DLC1: variants seen among roughly 807,000 people sequenced by gnomAD.
DLC1 encodes the protein DLC1 Rho GTPase activating protein, also known as rho GTPase-activating protein 7.
Under a neutral mutation model 140.3 loss-of-function variants are expected in DLC1, and 54 were observed. The observed-to-expected ratio is 0.38, with a 90% CI of 0.31 to 0.48. The LOEUF is 0.48. DLC1 is among the 20% of genes least tolerant of loss of function. The probability of loss-of-function intolerance (pLI) is 0.96; values close to 1 mark genes in which losing one functional copy is unlikely to be tolerated. For missense variants in DLC1, 2,536 were observed against 1,907.0 expected (o/e 1.33, Z -6.14); for synonymous variants, 986 against 728.1 (o/e 1.35, Z -5.70).
intron 5 of DLC1, among the ~76,000 whole-genome samples, chr8:13,168,918 T>C (rs925122491): frequency 6.6e-6 from 1 of 152,184 alleles, no homozygotes; most frequent in Non-Finnish European, 1.5e-5. Flanking sequence ...GTTATGACCG[T>C]TGGACAGAAG....
chr8:13,494,919 C>G (rs1364335153), intron 2 of DLC1, among the ~76,000 whole-genome samples: 1 of 152,126 alleles, frequency 6.6e-6, no homozygotes, highest in African/African-American at 2.4e-5. Flanking sequence ...CCCCTGCACT[C>G]CAGCCTGGGT....
intron 5 of DLC1, among the ~76,000 whole-genome samples, chr8:13,302,441 G>A (rs191196093): frequency 1.8e-3 from 269 of 152,316 alleles, no homozygotes; most frequent in African/African-American, 6.3e-3. Flanking sequence ...TGTCATCACA[G>A]GGCAGGAGAC....
chr8:13,572,088 A>T (rs1042403049), intron 1 of DLC1, among the ~76,000 whole-genome samples: 23 of 60,648 alleles, frequency 3.8e-4, no homozygotes, highest in South Asian at 1.5e-3. Context: ...TATTATTATT[A>T]TTATTTATTT....
chr8:13,268,770 C>T (rs1830793440), intron 5 of DLC1, among the ~76,000 whole-genome samples: 1 of 151,982 alleles, frequency 6.6e-6, no homozygotes, highest in Non-Finnish European at 1.5e-5. Context: ...ACTCTTGGCT[C>T]CATGAGGGGA....
chr8:13,444,736 C>T (rs1798700311), intron 2 of DLC1, among the ~76,000 whole-genome samples: 1 of 152,088 alleles, frequency 6.6e-6, no homozygotes, highest in Admixed American at 6.6e-5. Flanking sequence ...AGAATAGAAG[C>T]AAATATCATT....
At chr8:13,550,867 G>A (rs968614071) in intron 1 of DLC1, among the ~76,000 whole-genome samples, 1 of 151,948 alleles carries the variant, frequency 6.6e-6, no homozygotes, top group African/African-American at 2.4e-5. Flanking sequence ...GCCCTTAATG[G>A]TGCTATTAGC....
At chr8:13,177,364 C>T (rs1046877877) in intron 5 of DLC1, among the ~76,000 whole-genome samples, 3 of 152,120 alleles carry the variant, frequency 2.0e-5, no homozygotes. Context: ...CATCTATTTA[C>T]TTTCAGAAAT....
rs182932942 is a variant in DLC1, at chr8:13,223,587, A to G, written c.1348+81682T>C. Among the ~76,000 whole-genome samples the G allele has an allele frequency of 1.9e-3, 290 of 152,346 alleles. 1 individual carries two copies. Among genetic ancestry groups the G allele is most frequent in the Non-Finnish European group, 3.4e-3 (234 of 68,034 alleles). On this transcript the variant is annotated intron_variant, in intron 5 of 17. Transcript: ENST00000276297. ...TTAACTTAATGTTCCAAAACAAACT[A>G]TAAACATTAATTGGTATAAAAACAT...
chr8:13,467,528 A>C (rs1799996222), intron 2 of DLC1, among the ~76,000 whole-genome samples: 1 of 151,864 alleles, frequency 6.6e-6, no homozygotes, highest in Admixed American at 6.6e-5. Flanking sequence ...TTGGGAGGCC[A>C]AAGTGGGAGG....
At chr8:13,275,488 C>A (rs926449518) in intron 5 of DLC1, among the ~76,000 whole-genome samples, 2 of 152,148 alleles carry the variant, frequency 1.3e-5, no homozygotes, top group African/African-American at 4.8e-5. Flanking sequence ...AGAGAGCAAA[C>A]AAGAAGGCAC....
At chr8:13,368,130 G>T (rs1479403784) in intron 4 of DLC1, among the ~76,000 whole-genome samples, 1 of 152,182 alleles carries the variant, frequency 6.6e-6, no homozygotes, top group Non-Finnish European at 1.5e-5. Flanking sequence ...AAGTGGAAAA[G>T]AAAGTTAGAG....
chr8:13,173,521 A>G (rs531707262), intron 5 of DLC1, among the ~76,000 whole-genome samples: 1 of 152,140 alleles, frequency 6.6e-6, no homozygotes, highest in African/African-American at 2.4e-5. Context: ...ACAGGCATGC[A>G]CTGCCAAGCG....
At chr8:13,401,388 G>T in intron 3 of DLC1, 82 bp downstream of exon 3, 2 of 1,527,308 alleles carry the variant, frequency 1.3e-6, no homozygotes, top group Non-Finnish European at 1.8e-6. Context: ...CATTAACAAG[G>T]ATGTTGCCTT....
At chr8:13,530,693 C>T (rs1005814084) in intron 1 of DLC1, among the ~76,000 whole-genome samples, 1 of 152,162 alleles carries the variant, frequency 6.6e-6, no homozygotes. Flanking sequence ...AATCAGATGA[C>T]ATATTGTTCC....
At chr8:13,270,704 T>C (rs1830895765) in intron 5 of DLC1, among the ~76,000 whole-genome samples, 1 of 152,216 alleles carries the variant, frequency 6.6e-6, no homozygotes, top group Admixed American at 6.5e-5. Context: ...CAGAAATCTA[T>C]TCCATTTGCC....
intron 5 of DLC1, among the ~76,000 whole-genome samples, chr8:13,289,186 T>C (rs1272362051): frequency 2.0e-5 from 3 of 151,930 alleles, no homozygotes; most frequent in East Asian, 3.9e-4. Context: ...TCTCATAGAG[T>C]TAGAATTCCT....
chr8:13,502,662 C>G (rs1328175428), intron 1 of DLC1, among the ~76,000 whole-genome samples: 1 of 152,180 alleles, frequency 6.6e-6, no homozygotes, highest in Non-Finnish European at 1.5e-5. Flanking sequence ...AGAGAGAAAT[C>G]TTTGTAAAAG....
chr8:13,335,271 G>C (rs895678772), intron 4 of DLC1, among the ~76,000 whole-genome samples: 1 of 152,196 alleles, frequency 6.6e-6, no homozygotes, highest in African/African-American at 2.4e-5. Context: ...TAGCAGGATT[G>C]AAGGAAATCA....
chr8:13,471,750 G>A (rs1203012110), intron 2 of DLC1, among the ~76,000 whole-genome samples: 21 of 151,974 alleles, frequency 1.4e-4, no homozygotes, highest in Non-Finnish European at 1.9e-4. Flanking sequence ...AGGAGAAAGA[G>A]AGAAAGAGAA....
Sources: gnomAD v4.1 joint callset for allele counts (sites outside exome capture counted in the v4.1 genomes callset) on GRCh38, gnomAD v4.1.1 for gene constraint, MANE v1.5 for transcripts, NCBI Gene and HGNC (gene_info 2026-07-23, HGNC 2026-07-21) for gene names.